DOCK9: variants seen among roughly 807,000 people sequenced by gnomAD.
DOCK9 encodes dedicator of cytokinesis 9, also known as dedicator of cytokinesis protein 9.
A neutral mutation model predicts 263.3 loss-of-function variants in DOCK9; 89 were observed. The observed-to-expected ratio is 0.34, with a 90% CI of 0.28 to 0.40. The LOEUF (loss-of-function observed/expected upper bound fraction) is 0.40, where lower values mean the gene tolerates loss of function less well. Among genes scored for constraint, DOCK9 ranks in the 10% least tolerant of loss-of-function variants. DOCK9 has a pLI of 1.00. For missense variants in DOCK9, 2,140 were observed against 2,603.4 expected, an observed-to-expected ratio of 0.82 and a Z score of 3.87; for synonymous variants, 976 against 973.1, an observed-to-expected ratio of 1.00 and a Z score of -0.06.
In DOCK9 at chr13:98,825,665, C is replaced by T. The variant is rs1478149555; in HGVS notation, c.5024-1161G>A. Among the ~76,000 whole-genome samples the T allele has an allele frequency of 1.3e-5, 2 of 152,198 alleles. No individual in the cohort carries two copies. Among genetic ancestry groups the T allele is most frequent in the East Asian group, 1.9e-4 (1 of 5,190 alleles). ...ATATAGTACATTTCACCACATAACT[C>T]GGAGCCAATGGAATAACAAAAATGG... On this transcript the variant is annotated intron_variant, in intron 44 of 52. Coordinates refer to ENST00000682017, the MANE Select transcript of DOCK9 (RefSeq NM_001366683.2). The surrounding 1 kb of genome is among the most constrained non-coding windows in gnomAD (Gnocchi z 4.1).
intron 1 of DOCK9, among the ~76,000 whole-genome samples, chr13:99,002,528 C>A (rs975978104): frequency 6.6e-6 from 1 of 152,212 alleles, no homozygotes; most frequent in Non-Finnish European, 1.5e-5. Flanking sequence ...TCTCTTCTAT[C>A]CTTCTCCACG....
intron 1 of DOCK9, among the ~76,000 whole-genome samples, chr13:99,027,571 A>G (rs1444976927): frequency 6.6e-6 from 1 of 152,230 alleles, no homozygotes; most frequent in African/African-American, 2.4e-5. Context: ...TAGCTTTCAA[A>G]GTATTGTCAC....
intron 1 of DOCK9, among the ~76,000 whole-genome samples, chr13:98,993,868 T>C (rs1447964376): frequency 1.3e-5 from 2 of 152,256 alleles, no homozygotes; most frequent in African/African-American, 4.8e-5. Flanking sequence ...ATGTGAAATT[T>C]GCTTATGTTG....
chr13:98,930,486 C>T (rs1358519927), intron 2 of DOCK9, among the ~76,000 whole-genome samples: 3 of 152,184 alleles, frequency 2.0e-5, no homozygotes, highest in East Asian at 3.8e-4. Flanking sequence ...TGATCAGGGG[C>T]CCACAGATCC....
rs184094563 is a variant in DOCK9 at position 98,805,881 on chromosome 13, C to T, written c.5515-672G>A. Among the ~76,000 whole-genome samples, 507 of 152,336 alleles carry T rather than the reference C, an allele frequency of 3.3e-3. 12 individuals are homozygous for T. Among genetic ancestry groups the T allele is most frequent in the Admixed American group, 0.026 (405 of 15,294 alleles). ...GTTCAAGTGATTCTCCTGCCTCAGC[C>T]TCCCAAGTAGCTGTGACTACAGGTG... On this transcript the variant is annotated intron_variant, in intron 48 of 52. Coordinates refer to ENST00000682017, the MANE Select transcript of DOCK9 (RefSeq NM_001366683.2).
At chr13:98,922,200 T>C in intron 5 of DOCK9, 54 bp from the exon 6 acceptor site, 1 of 1,393,968 alleles carries the variant, frequency 7.2e-7, no homozygotes, top group Non-Finnish European at 9.9e-7. Context: ...CCTGGGTTGC[T>C]TGCTGTGAGT....
chr13:98,970,967 C>T (rs2059675648), intron 1 of DOCK9, among the ~76,000 whole-genome samples: 1 of 152,268 alleles, frequency 6.6e-6, no homozygotes, highest in African/African-American at 2.4e-5. Context: ...TCTGTAGCTC[C>T]AACAACTCAA....
chr13:99,034,307 C>T (rs1428206243), intron 1 of DOCK9, among the ~76,000 whole-genome samples: 2 of 152,304 alleles, frequency 1.3e-5, no homozygotes, highest in African/African-American at 4.8e-5. Flanking sequence ...TAACAGCTCT[C>T]CAGTAGCACA....
In DOCK9 at chr13:98,963,523, T is replaced by C. The variant is rs76401977; in HGVS notation, c.127-7972A>G. On this transcript the variant is annotated intron_variant, in intron 1 of 52. Coordinates refer to ENST00000682017, the MANE Select transcript of DOCK9 (RefSeq NM_001366683.2). ...CGGATGTGATAGCTTCAAATGAACT[T>C]TCCAGTCATTTCTTGCCCTTGTGTC... Among the ~76,000 whole-genome samples, 476 of 152,320 alleles carry C rather than the reference T, an allele frequency of 3.1e-3. 3 individuals carry two copies. Among genetic ancestry groups the C allele is most frequent in the African/African-American group, 0.011 (452 of 41,568 alleles).
intron 1 of DOCK9, among the ~76,000 whole-genome samples, chr13:98,986,393 C>T (rs570682029): frequency 1.1e-4 from 16 of 152,320 alleles, no homozygotes; most frequent in Admixed American, 3.3e-4. Context: ...ACTCTAGACT[C>T]GTACTTCTGC....
chr13:98,920,908 T>C, intron 7 of DOCK9, 46 bp downstream of exon 7: 1 of 1,540,090 alleles, frequency 6.5e-7, no homozygotes, highest in African/African-American at 1.4e-5. Context: ...ACATAAGCAC[T>C]ACTGCAGATA....
rs534071034 is a variant in DOCK9, at chr13:99,009,473, G to A, written c.130-53922C>T. 2.6e-5 allele frequency among the ~76,000 whole-genome samples: 4 copies of A among 152,182 alleles called. No homozygotes were observed. In the South Asian group the frequency reaches 6.2e-4, roughly 24 times the overall value. ...ACTAGAAGGCAGCCAAGCAGGCTCC[G>A]GGCCTTCATGACACCTCGAGGCAGA... On this transcript the variant is annotated intron_variant, in intron 1 of 32. Transcript: ENST00000427887.
chr13:98,830,121 G>A (rs901564568), intron 41 of DOCK9, among the ~76,000 whole-genome samples: 13 of 152,334 alleles, frequency 8.5e-5, no homozygotes, highest in Admixed American at 7.8e-4. Context: ...GAACTTAAAT[G>A]TATTAAATAT....
upstream of DOCK9, among the ~76,000 whole-genome samples, chr13:98,979,289 T>C (rs762508460): frequency 2.2e-4 from 33 of 152,052 alleles, no homozygotes; most frequent in Non-Finnish European, 1.6e-4. Flanking sequence ...AGAGTAGTTA[T>C]CATGTAGCAA....
At chr13:98,824,068 C>T (rs2092418048) in intron 45 of DOCK9, among the ~76,000 whole-genome samples, 1 of 152,164 alleles carries the variant, frequency 6.6e-6, no homozygotes, top group Admixed American at 6.5e-5. Context: ...AACTCATGAG[C>T]CAGAGAAATT....
chr13:98,864,927 C>T (rs953627300), intron 30 of DOCK9, among the ~76,000 whole-genome samples: 19 of 152,192 alleles, frequency 1.2e-4, no homozygotes, highest in Admixed American at 1.0e-3. Flanking sequence ...CTCCCTCTCT[C>T]GCCATGTGAC....
At chr13:98,874,465 C>G (rs1416028329) in intron 27 of DOCK9, among the ~76,000 whole-genome samples, 1 of 152,190 alleles carries the variant, frequency 6.6e-6, no homozygotes, top group Non-Finnish European at 1.5e-5. Flanking sequence ...GCATTTAGGT[C>G]TTTACATGGA....
At chr13:98,812,507 T>C (rs1237463711) in intron 45 of DOCK9, among the ~76,000 whole-genome samples, 3 of 152,258 alleles carry the variant, frequency 2.0e-5, no homozygotes, top group African/African-American at 4.8e-5. Context: ...AACATCCGTC[T>C]AGTAAACAGA....
intron 45 of DOCK9, among the ~76,000 whole-genome samples, chr13:98,819,640 C>A (rs2140509586): frequency 6.6e-6 from 1 of 152,372 alleles, no homozygotes; most frequent in Middle Eastern, 3.4e-3. Context: ...TCCCTACTCA[C>A]TGCCACTACT....
Sources: gnomAD v4.1 joint callset for allele counts (sites outside exome capture counted in the v4.1 genomes callset) on GRCh38, gnomAD v4.1.1 for gene constraint, Gnocchi (gnomAD v3.1) non-coding constraint, MANE v1.5 for transcripts, NCBI Gene and HGNC (gene_info 2026-07-23, HGNC 2026-07-21) for gene names.